VSNL1: variants seen among roughly 807,000 people sequenced by gnomAD.
VSNL1 encodes the protein visinin like 1.
In VSNL1, 6 loss-of-function variants were observed where a neutral mutation model predicts 20.4. That is an observed-to-expected ratio of 0.29 (90% CI 0.16 to 0.58). The LOEUF is 0.58. Among genes scored for constraint, VSNL1 ranks in the 20% least tolerant of loss-of-function variants. VSNL1 has a pLI of 0.90. For missense variants in VSNL1, 100 were observed against 234.5 expected (o/e 0.43, Z 3.75); for synonymous variants, 93 against 86.4 (o/e 1.08, Z -0.42).
At position 17,649,206 on chromosome 2, in the gene VSNL1, T is replaced by C. The variant is rs1172159518; in HGVS notation, c.163-204T>C. Among the ~76,000 whole-genome samples, 1 of 152,024 alleles carries C rather than the reference T, an allele frequency of 6.6e-6. No homozygotes were observed. The highest frequency in any genetic ancestry group is 2.4e-5 in the African/African-American group (1 of 41,392). ...CACCAGCCTCACCCACAGGAAACAA[T>C]GAGATGCCTGTACCTGAGCACCTGC... On this transcript the variant is annotated intron_variant, in intron 2 of 3. Transcript: ENST00000295156. This position sits in a 1 kb window ranked among gnomAD's most constrained non-coding sequence, Gnocchi z 6.4.
intron 1 of VSNL1, among the ~76,000 whole-genome samples, chr2:17,557,022 CT>C (rs748409264): frequency 6.6e-5 from 10 of 150,942 alleles, no homozygotes; most frequent in African/African-American, 1.5e-4. Flanking sequence ...GAAGAGATGG[CT>C]TTTTTTTTAA....
At chr2:17,570,174 G>GT (rs1214391516) in intron 1 of VSNL1, among the ~76,000 whole-genome samples, 1 of 152,260 alleles carries the variant, frequency 6.6e-6, no homozygotes, top group Admixed American at 6.5e-5. Flanking sequence ...GAGGAGATGT[G>GT]TTTTTTAAGG....
At chr2:17,553,433 A>AT (rs1287110366) in intron 1 of VSNL1, among the ~76,000 whole-genome samples, 1 of 152,224 alleles carries the variant, frequency 6.6e-6, no homozygotes, top group African/African-American at 2.4e-5. Flanking sequence ...CATACATTGT[A>AT]TTAGCAGTGA....
intron 2 of VSNL1, among the ~76,000 whole-genome samples, chr2:17,632,509 T>C (rs577399870): frequency 3.3e-5 from 5 of 152,062 alleles, no homozygotes; most frequent in South Asian, 4.2e-4. Flanking sequence ...CCATGTTGGT[T>C]AGGCTGGTTT....
intron 1 of VSNL1, among the ~76,000 whole-genome samples, chr2:17,570,517 G>T (rs1664055204): frequency 6.6e-6 from 1 of 152,088 alleles, no homozygotes; most frequent in African/African-American, 2.4e-5. Flanking sequence ...TCTATGGATT[G>T]GTATTATTTG....
intron 1 of VSNL1, among the ~76,000 whole-genome samples, chr2:17,570,831 G>C (rs1296934760): frequency 6.6e-6 from 1 of 152,158 alleles, no homozygotes; most frequent in African/African-American, 2.4e-5. Flanking sequence ...TGGATCATGA[G>C]GTCAGGAGTT....
At chr2:17,543,910 G>A (rs948721474) in intron 1 of VSNL1, among the ~76,000 whole-genome samples, 3 of 151,916 alleles carry the variant, frequency 2.0e-5, no homozygotes, top group African/African-American at 7.3e-5. Flanking sequence ...TTCTCTGAGT[G>A]CCTATACAAT....
At chr2:17,608,610 T>G (rs1202228151) in intron 2 of VSNL1, among the ~76,000 whole-genome samples, 1 of 152,122 alleles carries the variant, frequency 6.6e-6, no homozygotes, top group South Asian at 2.1e-4. Flanking sequence ...AAGGGAATGG[T>G]GGTGACATTT....
intron 2 of VSNL1, among the ~76,000 whole-genome samples, chr2:17,631,377 T>C (rs1665624977): frequency 6.6e-6 from 1 of 151,936 alleles, no homozygotes; most frequent in Admixed American, 6.6e-5. Context: ...CCAAAGGATA[T>C]AAAAAAGATA....
intron 3 of VSNL1, among the ~76,000 whole-genome samples, chr2:17,654,451 T>G (rs914713222): frequency 1.3e-5 from 2 of 152,210 alleles, no homozygotes; most frequent in African/African-American, 4.8e-5. Context: ...AATTCTTCTT[T>G]TCCTAAATCC....
chr2:17,614,287 T>C (rs1236467980), intron 2 of VSNL1, among the ~76,000 whole-genome samples: 1 of 152,238 alleles, frequency 6.6e-6, no homozygotes, highest in Non-Finnish European at 1.5e-5. Flanking sequence ...TCATCCCCAG[T>C]TGGGGGAAAC....
At chr2:17,607,224 C>A (rs543712657) in intron 2 of VSNL1, among the ~76,000 whole-genome samples, 1 of 152,232 alleles carries the variant, frequency 6.6e-6, no homozygotes, top group East Asian at 1.9e-4. Flanking sequence ...CTGTTGCTAG[C>A]GAGTTGATCT....
At chr2:17,580,289 C>T (rs539196152) in intron 1 of VSNL1, among the ~76,000 whole-genome samples, 3 of 152,202 alleles carry the variant, frequency 2.0e-5, no homozygotes, top group East Asian at 1.9e-4. Flanking sequence ...AGTAAAGATC[C>T]GAGAAGCCTT....
At chr2:17,603,795 T>G (rs1368435159) in intron 2 of VSNL1, among the ~76,000 whole-genome samples, 1 of 152,210 alleles carries the variant, frequency 6.6e-6, no homozygotes, top group Non-Finnish European at 1.5e-5. Flanking sequence ...TAAAACAACA[T>G]GATGGACAAT....
intron 1 of VSNL1, among the ~76,000 whole-genome samples, chr2:17,566,516 G>A (rs1166458945): frequency 6.6e-6 from 1 of 151,834 alleles, no homozygotes; most frequent in Admixed American, 6.6e-5. Flanking sequence ...TTTCTTCTCT[G>A]TAAATTACTT....
chr2:17,627,688 C>A (rs897700857), intron 2 of VSNL1, among the ~76,000 whole-genome samples: 2 of 152,062 alleles, frequency 1.3e-5, no homozygotes, highest in Admixed American at 6.6e-5. Flanking sequence ...GTTAGAAATG[C>A]AAAAATCTGA....
At chr2:17,540,341 A>G (rs941449492), upstream of VSNL1, among the ~76,000 whole-genome samples, 1 of 152,252 alleles carries the variant, frequency 6.6e-6, no homozygotes, top group African/African-American at 2.4e-5. Flanking sequence ...CTCGGCCTTC[A>G]GCCCCCAGGT....
intron 1 of VSNL1, among the ~76,000 whole-genome samples, chr2:17,552,199 C>CG (rs1553298231): frequency 3.3e-5 from 4 of 120,698 alleles, no homozygotes; most frequent in Non-Finnish European, 6.6e-5. Context: ...GATTCCATCT[C>CG]AAAAAAAAAA....
chr2:17,546,462 G>A (rs1034112139), intron 1 of VSNL1, among the ~76,000 whole-genome samples: 11 of 151,586 alleles, frequency 7.3e-5, no homozygotes, highest in Non-Finnish European at 1.0e-4. Context: ...AAACCTGGGT[G>A]AATTTTTTCT....
Sources: allele counts gnomAD v4.1 joint callset (sites outside exome capture counted in the v4.1 genomes callset), GRCh38; gene constraint gnomAD v4.1.1; non-coding constraint Gnocchi (gnomAD v3.1); transcripts MANE v1.5; gene names NCBI Gene and HGNC (gene_info 2026-07-23, HGNC 2026-07-21).